Variants in DRC1 observed in about 807,000 individuals in gnomAD.
DRC1 encodes the protein dynein regulatory complex subunit 1.
DRC1 carries 74 observed loss-of-function variants against 98.7 expected under a neutral mutation model. The ratio of observed to expected loss-of-function variants is 0.75; its 90% confidence interval spans 0.62 to 0.91. The LOEUF (loss-of-function observed/expected upper bound fraction) is 0.91, where lower values mean the gene tolerates loss of function less well. DRC1 is among the 40% of genes least tolerant of loss of function. DRC1 has a pLI of 0.00. For missense variants in DRC1, 875 were observed against 886.0 expected, an observed-to-expected ratio of 0.99 and a Z score of 0.16; for synonymous variants, 336 against 334.1, an observed-to-expected ratio of 1.01 and a Z score of -0.06.
At chr2:26,429,185 G>GATTATT (rs10555604) in intron 4 of DRC1, among the ~76,000 whole-genome samples, 22 of 30,894 alleles carry the variant, frequency 7.1e-4, no homozygotes, top group African/African-American at 1.6e-3. Flanking sequence ...TTGTACAGAT[G>GATTATT]ATTATTATTA....
intron 7 of DRC1, among the ~76,000 whole-genome samples, chr2:26,433,970 A>T (rs183557273): frequency 1.3e-5 from 2 of 152,358 alleles, no homozygotes; most frequent in African/African-American, 2.4e-5. Flanking sequence ...ATGTGGCAAC[A>T]TGTGGAATGT....
intron 7 of DRC1, among the ~76,000 whole-genome samples, chr2:26,438,917 G>T (rs116458230): frequency 6.6e-6 from 1 of 152,176 alleles, no homozygotes; most frequent in East Asian, 1.9e-4. Context: ...AGAAGCAGGA[G>T]CATGCCAGCC....
intron 2 of DRC1, among the ~76,000 whole-genome samples, chr2:26,415,642 GT>G (rs1678773078): frequency 1.3e-5 from 2 of 152,156 alleles, no homozygotes. Flanking sequence ...TTAAAAGTCA[GT>G]GAGCTCAGCC....
At chr2:26,421,188 A>G in intron 2 of DRC1, 100 bp from the exon 3 acceptor site, 1 of 1,003,180 alleles carries the variant, frequency 1.0e-6, no homozygotes, top group Non-Finnish European at 1.4e-6. Context: ...TCCTGCTTGA[A>G]TGGATAGAAG....
chr2:26,440,301 G>T, intron 7 of DRC1, 77 bp from the exon 8 acceptor site: 4 of 1,411,188 alleles, frequency 2.8e-6, no homozygotes, highest in East Asian at 2.6e-5. Context: ...TAAGGATGCA[G>T]GTGTAGAGTT....
Position 26,453,279 on chromosome 2 carries a change from G to T in DRC1, c.1690-41G>T, listed in dbSNP as rs202112892. ...TGCCTCTCTCTCCATGCTCATGCTC[G>T]TGTGTCCCCAGCCCACAGTTGTCCG... is the stretch of plus-strand genomic sequence containing the variant. On this transcript the variant is annotated intron_variant, in intron 13 of 16. Transcript: ENST00000288710. The T allele has an allele frequency of 1.9e-6, 3 of 1,609,334 alleles. No individual in the cohort carries two copies. The Admixed American group carries it at 5.0e-5, about 27-fold the overall frequency.
chr2:26,418,992 G>A (rs540378746), intron 2 of DRC1, among the ~76,000 whole-genome samples: 2 of 150,262 alleles, frequency 1.3e-5, no homozygotes, highest in Admixed American at 6.8e-5. Flanking sequence ...GGGTTCACGC[G>A]ATTCCCCTGC....
chr2:26,412,504 G>A (rs1200344067), intron 1 of DRC1, among the ~76,000 whole-genome samples: 3 of 152,118 alleles, frequency 2.0e-5, no homozygotes, highest in African/African-American at 7.2e-5. Flanking sequence ...TGATGTAAGT[G>A]GCGTGGGGGT....
In DRC1 at chr2:26,451,774, A is replaced by G. The variant is rs185834677; in HGVS notation, c.1689+1093A>G. Among the ~76,000 whole-genome samples the G allele has an allele frequency of 3.9e-5, 6 of 152,378 alleles. No homozygotes were observed. In the East Asian group the frequency reaches 1.2e-3, roughly 29 times the overall value. On this transcript the variant is annotated intron_variant, in intron 13 of 16. Coordinates refer to ENST00000288710, the MANE Select transcript of DRC1 (RefSeq NM_145038.5). The stretch of plus-strand genomic sequence containing the variant: ...AAGCCATAAAGGGAATAAAAGCTAT[A>G]TTTGACTACAGAATTTAAAAACAAT...
chr2:26,454,829 G>T lies in DRC1; in HGVS notation c.2063+39G>T. ...TCATGGAGCAGGAGGGTGCTGGCGG[G>T]CAGGTGAGGAACGGTTGTTGGGAGC... On this transcript the variant is annotated intron_variant, in intron 15 of 16. Coordinates refer to ENST00000288710, the MANE Select transcript of DRC1 (RefSeq NM_145038.5). The surrounding 1 kb of genome is among the most constrained non-coding windows in gnomAD (Gnocchi z 5.2). The T allele has an allele frequency of 6.2e-7, 1 of 1,612,866 alleles. No individual in the cohort carries two copies. The highest frequency in any genetic ancestry group is 8.5e-7 in the Non-Finnish European group (1 of 1,179,288).
In DRC1 at chr2:26,444,924, G is replaced by A. The variant is rs372422691; in HGVS notation, c.1372G>A (p.Val458Ile). 29 of 1,614,040 alleles carry A rather than the reference G, an allele frequency of 1.8e-5. No individual in the cohort carries two copies. The highest frequency in any genetic ancestry group is 1.6e-4 in the African/African-American group (12 of 74,932). The change falls in exon 10 of 17, where the codon GTA becomes ATA. Residue 458 changes from valine (V) to isoleucine (I), a missense_variant. By Grantham distance (29) the Val-to-Ile change is conservative (BLOSUM62 3). Coordinates refer to ENST00000288710, the MANE Select transcript of DRC1 (RefSeq NM_145038.5). ...QQPQKSATQIVEEMLMRSEEE... is the reference protein window; with the variant it reads ...QQPQKSATQIIEEMLMRSEEE... ...GCCCCAGAAGTCCGCCACACAGATA[G>A]TAGAAGAAATGCTTATGCGCTCAGG... is the stretch of plus-strand genomic sequence containing the variant.
intron 2 of DRC1, among the ~76,000 whole-genome samples, chr2:26,415,159 A>G (rs922887045): frequency 2.0e-5 from 3 of 152,232 alleles, no homozygotes; most frequent in African/African-American, 7.2e-5. Flanking sequence ...GACACAAAAA[A>G]GAAAATCATT....
In DRC1 at chr2:26,453,593, G is replaced by A. The variant is rs113583747; in HGVS notation, c.1919+44G>A. Reference sequence around the variant, plus strand: ...AGGCTTGCCTGAGACCAGAACCAGGGGAGCTGGATGGGCTGGGGAGCCAGG... The same window carrying A: ...AGGCTTGCCTGAGACCAGAACCAGGAGAGCTGGATGGGCTGGGGAGCCAGG... On this transcript the variant is annotated intron_variant, in intron 14 of 16. Transcript: ENST00000288710. 3.4e-5 allele frequency: 54 copies of A among 1,576,916 alleles called. 1 individual carries two copies. In the African/African-American group the frequency reaches 4.6e-4, roughly 13 times the overall value.
intron 16 of DRC1, among the ~76,000 whole-genome samples, chr2:26,455,828 G>A (rs1414122182): frequency 2.6e-5 from 4 of 152,216 alleles, no homozygotes; most frequent in Non-Finnish European, 5.9e-5. Context: ...CCATGGCCTG[G>A]CAAGAGGAGG....
intron 8 of DRC1, among the ~76,000 whole-genome samples, chr2:26,441,315 T>C (rs1437362461): frequency 6.6e-6 from 1 of 152,202 alleles, no homozygotes; most frequent in Non-Finnish European, 1.5e-5. Flanking sequence ...TGTAGGTTGG[T>C]AATACATACA....
At position 26,455,301 on chromosome 2, in the gene DRC1, G is replaced by A. The variant is rs1879759; in HGVS notation, c.2166+68G>A. 0.084 allele frequency: 124,823 copies of A among 1,488,292 alleles called. 13,836 individuals carry two copies. Among genetic ancestry groups the A allele is most frequent in the East Asian group, 0.61 (26,631 of 43,810 alleles). The allele number at this position is 1,488,292 out of a possible 1,614,324, so 92.2% of individuals were successfully genotyped here. ...GGTGGGGCAGGGGCACTGGAGCTGG[G>A]ATTAGGGAACGAGGAGTCCCCTCCC... On this transcript the variant is annotated intron_variant, in intron 16 of 16. Coordinates refer to ENST00000288710, the MANE Select transcript of DRC1 (RefSeq NM_145038.5).
intron 7 of DRC1, among the ~76,000 whole-genome samples, chr2:26,437,011 C>T (rs778941684): frequency 2.0e-5 from 3 of 152,152 alleles, no homozygotes; most frequent in Admixed American, 6.5e-5. Flanking sequence ...GACTTTTGTG[C>T]CGAGCTGCCT....
chr2:26,410,186 A>T lies in DRC1; in HGVS notation c.156-4158A>T, dbSNP rs147413702. The stretch of plus-strand genomic sequence containing the variant: ...ACATTAGAAGGGTTGGAAAATAAAG[A>T]TGATGAAATCACCTAGAAAATAGAG... On this transcript the variant is annotated intron_variant, in intron 1 of 16. Coordinates refer to ENST00000288710, the MANE Select transcript of DRC1 (RefSeq NM_145038.5). Among the ~76,000 whole-genome samples the T allele has an allele frequency of 4.2e-3, 640 of 150,848 alleles. 4 individuals are homozygous for T. Among genetic ancestry groups the T allele is most frequent in the Non-Finnish European group, 5.0e-3 (336 of 67,716 alleles).
intron 4 of DRC1, among the ~76,000 whole-genome samples, chr2:26,427,861 C>T (rs933918340): frequency 1.2e-4 from 18 of 152,136 alleles, no homozygotes; most frequent in Admixed American, 3.3e-4. Context: ...TTTCATTTAA[C>T]GTAATGCCTT....
Sources: gnomAD v4.1 joint callset for allele counts (sites outside exome capture counted in the v4.1 genomes callset) on GRCh38, gnomAD v4.1.1 for gene constraint, Gnocchi (gnomAD v3.1) non-coding constraint, MANE v1.5 for transcripts, NCBI Gene and HGNC (gene_info 2026-07-23, HGNC 2026-07-21) for gene names.